Variants in CDYL observed in about 807,000 individuals in gnomAD.
CDYL encodes the protein chromodomain Y like.
In CDYL, 8 loss-of-function variants were observed where a neutral mutation model predicts 47.3. The observed-to-expected ratio is 0.17, with a 90% confidence interval of 0.10 to 0.31. CDYL has a LOEUF of 0.31. Ranked by LOEUF, CDYL falls within the 10% of genes least tolerant of loss-of-function variation. The probability of loss-of-function intolerance (pLI) is 1.00; values close to 1 mark genes in which losing one functional copy is unlikely to be tolerated. For synonymous variants in CDYL, 266 were observed against 265.0 expected (o/e 1.00, Z -0.04); for missense variants, 471 against 701.4 (o/e 0.67, Z 3.71).
At chr6:4,819,049 A>C (rs746502301) in intron 1 of CDYL, among the ~76,000 whole-genome samples, 2 of 151,602 alleles carry the variant, frequency 1.3e-5, no homozygotes, top group African/African-American at 2.4e-5. Context: ...AGTATTGTCC[A>C]TAAATCCAAC....
intron 1 of CDYL, among the ~76,000 whole-genome samples, chr6:4,869,670 G>A (rs765349141): frequency 2.6e-5 from 4 of 151,968 alleles, no homozygotes; most frequent in East Asian, 1.9e-4. Flanking sequence ...ATCGCAGCCC[G>A]CTTGGGATTA....
intron 1 of CDYL, chr6:4,714,715 T>C (rs900897179): frequency 6.6e-6 from 1 of 152,220 alleles, no homozygotes; most frequent in Non-Finnish European, 1.5e-5. Context: ...CTGCCATTCA[T>C]ATGGAGCCCA....
At chr6:4,948,798 A>C (rs908202573) in intron 5 of CDYL, among the ~76,000 whole-genome samples, 1 of 152,216 alleles carries the variant, frequency 6.6e-6, no homozygotes, top group Admixed American at 6.5e-5. Flanking sequence ...TGAATTCTAC[A>C]CTTTCTGAGC....
intron 1 of CDYL, among the ~76,000 whole-genome samples, chr6:4,831,307 T>G (rs980709405): frequency 7.9e-5 from 12 of 152,210 alleles, no homozygotes; most frequent in Admixed American, 7.2e-4. Flanking sequence ...GGCTAGCCAG[T>G]TTTCCCTGCA....
chr6:4,734,962 TG>T (rs1757675889), intron 3 of CDYL: 1 of 1,464,158 alleles, frequency 6.8e-7, no homozygotes, highest in Admixed American at 2.5e-5. Context: ...TGGGTCCCTT[TG>T]GTGGTCTGGT....
intron 1 of CDYL, among the ~76,000 whole-genome samples, chr6:4,850,220 A>G (rs1294278747): frequency 6.6e-6 from 1 of 152,206 alleles, no homozygotes; most frequent in Admixed American, 6.5e-5. Context: ...AATTCAGCAA[A>G]TACTTGTTGA....
chr6:4,779,802 G>A (rs940888895), intron 1 of CDYL, among the ~76,000 whole-genome samples: 3 of 152,118 alleles, frequency 2.0e-5, no homozygotes, highest in Admixed American at 6.5e-5. Flanking sequence ...GTTATATTAT[G>A]GTCTTTGTTG....
intron 1 of CDYL, among the ~76,000 whole-genome samples, chr6:4,874,128 A>G (rs1307083023): frequency 1.3e-5 from 2 of 152,120 alleles, no homozygotes; most frequent in Non-Finnish European, 2.9e-5. Context: ...TGTAAGCCTT[A>G]CAGACAGAAA....
At chr6:4,945,303 C>G (rs58416392) in intron 5 of CDYL, among the ~76,000 whole-genome samples, 11,978 of 152,170 alleles carry the variant, frequency 0.079, 1,516 homozygotes, top group African/African-American at 0.27. Flanking sequence ...TTATCATCTT[C>G]CTGCATCTAA....
chr6:4,726,531 CAAAAA>C (rs58148317), intron 2 of CDYL, among the ~76,000 whole-genome samples: 24 of 100,370 alleles, frequency 2.4e-4, no homozygotes, highest in African/African-American at 6.1e-4. Context: ...GACTCTGTCT[CAAAAA>C]AAAAAAAAAA....
At chr6:4,741,416 T>C (rs1757795137) in intron 3 of CDYL, among the ~76,000 whole-genome samples, 1 of 152,210 alleles carries the variant, frequency 6.6e-6, no homozygotes, top group African/African-American at 2.4e-5. Context: ...TTCATTTTTC[T>C]CTCAGTTAAA....
chr6:4,776,673 G>T lies in CDYL; in HGVS notation c.-111G>T. Reference sequence around the variant, plus strand: ...CCGTGCCCAGCGCCCGGCCGGCCGCGGGAGCAGGAAGCGCAGGCCACGCAG... The same window carrying T: ...CCGTGCCCAGCGCCCGGCCGGCCGCTGGAGCAGGAAGCGCAGGCCACGCAG... On this transcript the variant is annotated 5_prime_UTR_variant, in exon 1 of 7. Coordinates refer to ENST00000397588, the MANE Select transcript of CDYL (RefSeq NM_004824.4). 1 of 977,226 alleles carries T rather than the reference G, an allele frequency of 1.0e-6. No homozygotes were observed. Among genetic ancestry groups the T allele is most frequent in the Non-Finnish European group, 1.3e-6 (1 of 743,384 alleles). 60.5% of individuals were successfully genotyped at this position (977,226 alleles called of 1,614,324 possible).
chr6:4,854,087 C>T (rs1407019355), intron 1 of CDYL, among the ~76,000 whole-genome samples: 1 of 152,180 alleles, frequency 6.6e-6, no homozygotes, highest in African/African-American at 2.4e-5. Context: ...GTTCACTGTG[C>T]ACACACGGCC....
At chr6:4,762,738 A>G (rs917832023) in intron 3 of CDYL, among the ~76,000 whole-genome samples, 14 of 151,842 alleles carry the variant, frequency 9.2e-5, no homozygotes, top group Admixed American at 7.9e-4. Flanking sequence ...AGGAGAAAGT[A>G]CCCAGAATGT....
chr6:4,747,714 C>T (rs1348989606), intron 3 of CDYL, among the ~76,000 whole-genome samples: 2 of 152,180 alleles, frequency 1.3e-5, no homozygotes, highest in African/African-American at 2.4e-5. Context: ...AACTGTTTCT[C>T]ACCAGTGCAA....
intron 2 of CDYL, among the ~76,000 whole-genome samples, chr6:4,723,755 T>C (rs1249274226): frequency 4.6e-5 from 7 of 152,094 alleles, no homozygotes; most frequent in African/African-American, 1.7e-4. Context: ...AAACAACACA[T>C]AAGCCTGGCC....
chr6:4,834,006 A>T (rs1439029249), intron 1 of CDYL, among the ~76,000 whole-genome samples: 3 of 151,194 alleles, frequency 2.0e-5, no homozygotes, highest in Non-Finnish European at 4.4e-5. Flanking sequence ...CAACACACTG[A>T]TGGGTCTTGA....
chr6:4,930,929 G>T (rs1014692789), intron 2 of CDYL, among the ~76,000 whole-genome samples: 14 of 152,226 alleles, frequency 9.2e-5, no homozygotes, highest in Non-Finnish European at 1.5e-4. Context: ...CGTTCCAGGG[G>T]AGTCGCACTA....
intron 3 of CDYL, among the ~76,000 whole-genome samples, chr6:4,766,890 A>G (rs925255924): frequency 2.0e-5 from 3 of 152,002 alleles, no homozygotes; most frequent in Non-Finnish European, 4.4e-5. Context: ...AGTCTCAGCT[A>G]CTTGGGGGGA....
Sources: allele counts gnomAD v4.1 joint callset (sites outside exome capture counted in the v4.1 genomes callset), GRCh38; gene constraint gnomAD v4.1.1; transcripts MANE v1.5; gene names NCBI Gene and HGNC (gene_info 2026-07-23, HGNC 2026-07-21).